The following WNT3 variants were observed in gnomAD, a reference collection of about 807,000 sequenced individuals.
WNT3 encodes the protein proto-oncogene Wnt-3.
In WNT3, 7 loss-of-function variants were observed where a neutral mutation model predicts 34.2. The ratio of observed to expected loss-of-function variants is 0.20; its 90% CI spans 0.12 to 0.38. WNT3 has a LOEUF of 0.38. Ranked by LOEUF, WNT3 falls within the 10% of genes least tolerant of loss-of-function variation. The probability of loss-of-function intolerance (pLI) is 1.00; values close to 1 mark genes in which losing one functional copy is unlikely to be tolerated. For synonymous variants in WNT3, 212 were observed against 211.5 expected (o/e 1.00, Z -0.02); for missense variants, 267 against 499.8 (o/e 0.53, Z 4.44).
rs568147775 is a variant in WNT3 at position 46,773,132 on chromosome 17, A to G, written c.322+536T>C. Among the ~76,000 whole-genome samples the G allele has an allele frequency of 2.0e-5, 3 of 152,226 alleles. No homozygotes were observed. The South Asian group carries it at 6.2e-4, about 32-fold the overall frequency. On this transcript the variant is annotated intron_variant, in intron 2 of 4. Transcript: ENST00000225512. ...ACTCCCAGGCTGCAAGACGGCCGGAAAGTTACCCAGAGGCCAGTGCACCCT... is the reference window on the plus strand; with the variant it reads ...ACTCCCAGGCTGCAAGACGGCCGGAGAGTTACCCAGAGGCCAGTGCACCCT...
At chr17:46,779,871 G>A (rs1392164950) in intron 1 of WNT3, among the ~76,000 whole-genome samples, 1 of 152,094 alleles carries the variant, frequency 6.6e-6, no homozygotes, top group African/African-American at 2.4e-5. Context: ...TGATTCTCCT[G>A]CCTCGGCCTC....
At chr17:46,781,143 G>T (rs1386450094) in intron 1 of WNT3, among the ~76,000 whole-genome samples, 1 of 151,666 alleles carries the variant, frequency 6.6e-6, no homozygotes, top group Non-Finnish European at 1.5e-5. Context: ...CAGGAGTATT[G>T]CTTGAACCTG....
At chr17:46,798,262 G>A (rs2084079748) in intron 1 of WNT3, among the ~76,000 whole-genome samples, 1 of 152,162 alleles carries the variant, frequency 6.6e-6, no homozygotes, top group Non-Finnish European at 1.5e-5. Flanking sequence ...GGAATAAATA[G>A]GTAAAATTCA....
chr17:46,784,966 A>G (rs1237373331), intron 1 of WNT3, among the ~76,000 whole-genome samples: 1 of 151,416 alleles, frequency 6.6e-6, no homozygotes, highest in Non-Finnish European at 1.5e-5. Flanking sequence ...TTTAGTAGAG[A>G]CGGGGTTTCA....
At chr17:46,815,272 C>G (rs2084326262) in intron 1 of WNT3, among the ~76,000 whole-genome samples, 1 of 152,158 alleles carries the variant, frequency 6.6e-6, no homozygotes, top group African/African-American at 2.4e-5. Flanking sequence ...TGTTTCCTGT[C>G]CCGGCTCTGT....
intron 2 of WNT3, among the ~76,000 whole-genome samples, chr17:46,771,248 G>C (rs572091504): frequency 1.1e-4 from 16 of 152,244 alleles, no homozygotes; most frequent in African/African-American, 3.4e-4. Context: ...TGCCAGGGCC[G>C]ACCGAGGACG....
At chr17:46,808,502 G>C (rs950646914) in intron 1 of WNT3, among the ~76,000 whole-genome samples, 1 of 152,200 alleles carries the variant, frequency 6.6e-6, no homozygotes, top group Admixed American at 6.5e-5. Context: ...GAAGGAAAAA[G>C]GCTTTAGGTC....
At chr17:46,802,355 T>G (rs1337864883) in intron 1 of WNT3, among the ~76,000 whole-genome samples, 1 of 152,208 alleles carries the variant, frequency 6.6e-6, no homozygotes, top group African/African-American at 2.4e-5. Flanking sequence ...AACCTCCGCC[T>G]CCTGGGTTCA....
At chr17:46,813,114 G>A (rs954752444) in intron 1 of WNT3, among the ~76,000 whole-genome samples, 5 of 152,106 alleles carry the variant, frequency 3.3e-5, no homozygotes, top group East Asian at 1.9e-4. Flanking sequence ...AGCTCTTTGC[G>A]ATTTAGGTCA....
chr17:46,768,244 A>G lies in WNT3; in HGVS notation c.*8+68T>C, dbSNP rs1264046311. 6.2e-7 allele frequency: 1 copy of G among 1,604,096 alleles called. No individual in the cohort carries two copies. Among genetic ancestry groups the G allele is most frequent in the African/African-American group, 1.3e-5 (1 of 74,868 alleles). On this transcript the variant is annotated intron_variant, in intron 4 of 4. Coordinates refer to ENST00000225512, the MANE Select transcript of WNT3 (RefSeq NM_030753.5). This position sits in a 1 kb window ranked among gnomAD's most constrained non-coding sequence, Gnocchi z 5.0. ...ACAGAAGGGGGTCGTCAAGAAGACG[A>G]GATGGGCAAACAACCCCATTCCCTG... is the stretch of plus-strand genomic sequence containing the variant.
intron 1 of WNT3, among the ~76,000 whole-genome samples, chr17:46,816,491 A>G (rs984467731): frequency 3.6e-4 from 54 of 150,240 alleles, no homozygotes; most frequent in Middle Eastern, 6.9e-3. Flanking sequence ...ACACACACAC[A>G]CACACACACA....
At chr17:46,779,053 T>TCACTCACACACACACACA (rs1555683627) in intron 1 of WNT3, among the ~76,000 whole-genome samples, 4 of 100,612 alleles carry the variant, frequency 4.0e-5, no homozygotes, top group Admixed American at 2.4e-4. Flanking sequence ...CCCTACCCCA[T>TCACTCACACACACACACA]CACACACACA....
chr17:46,800,262 C>G (rs1019749997), intron 1 of WNT3, among the ~76,000 whole-genome samples: 2 of 152,178 alleles, frequency 1.3e-5, no homozygotes, highest in Non-Finnish European at 2.9e-5. Context: ...AGCTGCCCAC[C>G]ACCACACCCA....
In WNT3 at chr17:46,768,037, C is replaced by T. The variant is rs936375696; in HGVS notation, c.*8+275G>A. Among the ~76,000 whole-genome samples, 1 of 152,242 alleles carries T rather than the reference C, an allele frequency of 6.6e-6. No individual in the cohort carries two copies. The highest frequency in any genetic ancestry group is 2.4e-5 in the African/African-American group (1 of 41,462). ...TCCTGACCTCAGGTGATCCGTCCAC[C>T]TCGGCCTCCCAAAGTGCTGGGATTA... On this transcript the variant is annotated intron_variant, in intron 4 of 4. Coordinates refer to ENST00000225512, the MANE Select transcript of WNT3 (RefSeq NM_030753.5). The surrounding 1 kb of genome is among the most constrained non-coding windows in gnomAD (Gnocchi z 5.0).
intron 1 of WNT3, among the ~76,000 whole-genome samples, chr17:46,818,042 G>A (rs761407016): frequency 9.9e-5 from 15 of 152,090 alleles, no homozygotes; most frequent in Non-Finnish European, 2.1e-4. Flanking sequence ...GAAGGCAAAG[G>A]GGGGTTATTA....
chr17:46,790,866 C>T (rs1349324377), intron 1 of WNT3, among the ~76,000 whole-genome samples: 1 of 152,344 alleles, frequency 6.6e-6, no homozygotes, highest in Middle Eastern at 3.4e-3. Context: ...CACACGCTCA[C>T]GTACATCGGA....
rs1206074741 is a variant in WNT3, at chr17:46,768,892, T to C, written c.589-93A>G. On this transcript the variant is annotated intron_variant, in intron 3 of 4. Transcript: ENST00000225512. This position sits in a 1 kb window ranked among gnomAD's most constrained non-coding sequence, Gnocchi z 5.0. ...CTCTGCCACTGCCCACCCCCTTCCC[T>C]CCAGCCTTCTCTACTCCTCTGTGAC... is the stretch of plus-strand genomic sequence containing the variant. 7.8e-6 allele frequency: 12 copies of C among 1,529,916 alleles called. No individual in the cohort carries two copies. The highest frequency in any genetic ancestry group is 9.7e-6 in the Non-Finnish European group (11 of 1,138,564). The allele number at this position is 1,529,916 out of a possible 1,614,324, so 94.8% of individuals were successfully genotyped here.
chr17:46,816,475 G>GCGCGCA (rs1555689352), intron 1 of WNT3, among the ~76,000 whole-genome samples: 1 of 144,244 alleles, frequency 6.9e-6, no homozygotes, highest in East Asian at 2.1e-4. Flanking sequence ...CAGAACACAC[G>GCGCGCA]CACACACACA....
At chr17:46,777,631 T>G (rs1327444350) in intron 1 of WNT3, among the ~76,000 whole-genome samples, 1 of 152,264 alleles carries the variant, frequency 6.6e-6, no homozygotes, top group African/African-American at 2.4e-5. Flanking sequence ...TAATGACAAC[T>G]ATTTATGTAG....
Sources: allele counts gnomAD v4.1 joint callset (sites outside exome capture counted in the v4.1 genomes callset), GRCh38; gene constraint gnomAD v4.1.1; non-coding constraint Gnocchi (gnomAD v3.1); transcripts MANE v1.5; gene names NCBI Gene and HGNC (gene_info 2026-07-23, HGNC 2026-07-21).